FHIT: variants seen among roughly 807,000 people sequenced by gnomAD.
FHIT encodes the protein fragile histidine triad diadenosine triphosphatase, also known as bis(5'-adenosyl)-triphosphatase.
Under a neutral mutation model 17.9 loss-of-function variants are expected in FHIT, and 19 were observed. The observed-to-expected ratio is 1.06, with a 90% confidence interval of 0.74 to 1.56. The LOEUF is 1.56. Ranked by LOEUF, FHIT falls within the 40% of genes most tolerant of loss-of-function variation. FHIT has a pLI of 0.00. For missense variants in FHIT, 248 were observed against 189.2 expected, an observed-to-expected ratio of 1.31 and a Z score of -1.82; for synonymous variants, 81 against 69.7, an observed-to-expected ratio of 1.16 and a Z score of -0.81.
At chr3:59,755,937 G>A (rs1701195590) in intron 8 of FHIT, among the ~76,000 whole-genome samples, 1 of 152,102 alleles carries the variant, frequency 6.6e-6, no homozygotes, top group South Asian at 2.1e-4. Context: ...ACAATGAGAA[G>A]AACAAAAGTT....
intron 5 of FHIT, among the ~76,000 whole-genome samples, chr3:60,196,381 C>A (rs1447469892): frequency 6.6e-6 from 1 of 152,150 alleles, no homozygotes; most frequent in Non-Finnish European, 1.5e-5. Flanking sequence ...ACACTCAGAC[C>A]TCTGCATCCC....
intron 3 of FHIT, among the ~76,000 whole-genome samples, chr3:60,906,982 G>T (rs192867252): frequency 6.6e-6 from 1 of 152,222 alleles, no homozygotes; most frequent in African/African-American, 2.4e-5. Context: ...AACAACGTCA[G>T]CCCAGAAATG....
intron 8 of FHIT, among the ~76,000 whole-genome samples, chr3:59,869,443 T>TCATG (rs1391836603): frequency 1.3e-5 from 2 of 151,946 alleles, no homozygotes; most frequent in East Asian, 3.9e-4. Context: ...GCCTGCATTT[T>TCATG]CATGTACTAG....
At position 59,943,041 on chromosome 3, in the gene FHIT, G is replaced by T. The variant is rs565537326; in HGVS notation, c.280-20627C>A. Among the ~76,000 whole-genome samples the T allele has an allele frequency of 2.1e-3, 314 of 152,146 alleles. 1 individual carries two copies. The highest frequency in any genetic ancestry group is 3.4e-3 in the Middle Eastern group (1 of 294). On this transcript the variant is annotated intron_variant, in intron 7 of 9. Transcript: ENST00000492590. ...ACCAGAATGCTGAACCCATTATTTTGAGCATGAATCTGCTCTCCTGTTATA... is the reference window on the plus strand; with the variant it reads ...ACCAGAATGCTGAACCCATTATTTTTAGCATGAATCTGCTCTCCTGTTATA...
chr3:60,931,366 T>TA (rs1361178441), intron 3 of FHIT, among the ~76,000 whole-genome samples: 2 of 152,216 alleles, frequency 1.3e-5, no homozygotes, highest in East Asian at 3.9e-4. Context: ...CAGTATAATT[T>TA]AAAAAAATAA....
intron 2 of FHIT, among the ~76,000 whole-genome samples, chr3:61,185,597 T>G (rs933008889): frequency 6.6e-6 from 1 of 152,180 alleles, no homozygotes; most frequent in Non-Finnish European, 1.5e-5. Context: ...GTACATCCAC[T>G]TCGGTACTTT....
intron 5 of FHIT, among the ~76,000 whole-genome samples, chr3:60,407,780 G>C (rs1484428422): frequency 6.6e-6 from 1 of 152,146 alleles, no homozygotes; most frequent in Non-Finnish European, 1.5e-5. Context: ...GGCTCCCAAA[G>C]TGTTGGGATT....
rs72107416 is a variant in FHIT, at chr3:61,239,762, C to CATATATATATAT, written c.-213+11527_-213+11538dup. On this transcript the variant is annotated intron_variant, in intron 1 of 9. Coordinates refer to ENST00000492590, the MANE Select transcript of FHIT (RefSeq NM_002012.4). ...AAAACTGCAAAGAAAAACAACTGGC[C>CATATATATATAT]ATATATATATATATATATATATACA... is the stretch of plus-strand genomic sequence containing the variant. Among the ~76,000 whole-genome samples the CATATATATATAT allele has an allele frequency of 1.9e-3, 206 of 108,274 alleles. 7 individuals carry two copies. Among genetic ancestry groups the CATATATATATAT allele is most frequent in the African/African-American group, 7.7e-3 (169 of 21,868 alleles). 71.0% of individuals were successfully genotyped at this position (108,274 alleles called of 152,430 possible).
chr3:60,134,821 C>G (rs1415222680), intron 5 of FHIT, among the ~76,000 whole-genome samples: 1 of 152,132 alleles, frequency 6.6e-6, no homozygotes, highest in East Asian at 1.9e-4. Flanking sequence ...CAATGTACTC[C>G]TTAGACACTC....
rs140130108 is a variant in FHIT, at chr3:60,706,945, G to T, written c.-18+114974C>A. 4.4e-4 allele frequency among the ~76,000 whole-genome samples: 67 copies of T among 152,316 alleles called. 1 individual carries two copies. The highest frequency in any genetic ancestry group is 1.6e-3 in the African/African-American group (65 of 41,588). The stretch of plus-strand genomic sequence containing the variant: ...TTGTCCGAGAATTAATTGTACTGCT[G>T]AAATTAGACATCCAGCCTGCTCCAT... On this transcript the variant is annotated intron_variant, in intron 4 of 9. Transcript: ENST00000492590.
At position 60,867,916 on chromosome 3, in the gene FHIT, C is replaced by T. The variant is rs529875902; in HGVS notation, c.-110-45905G>A. On this transcript the variant is annotated intron_variant, in intron 3 of 9. Transcript: ENST00000492590. ...GGACTCATTTGTTACTGCAGCATAA[C>T]TTAGTCTCTCCTAACTAAAACAGAG... Among the ~76,000 whole-genome samples the T allele has an allele frequency of 2.7e-4, 41 of 152,186 alleles. No individual in the cohort carries two copies. In the Middle Eastern group the frequency reaches 0.01, roughly 38 times the overall value.
At chr3:60,215,506 T>C (rs1351875518) in intron 5 of FHIT, among the ~76,000 whole-genome samples, 1 of 151,962 alleles carries the variant, frequency 6.6e-6, no homozygotes, top group African/African-American at 2.4e-5. Flanking sequence ...GAGTTTGCAG[T>C]GAGCCAAGAT....
intron 5 of FHIT, among the ~76,000 whole-genome samples, chr3:60,323,008 C>G (rs114456946): frequency 6.6e-6 from 1 of 152,176 alleles, no homozygotes; most frequent in Non-Finnish European, 1.5e-5. Flanking sequence ...GTAAGATTCA[C>G]TATTTAGGTA....
intron 7 of FHIT, among the ~76,000 whole-genome samples, chr3:59,936,258 T>C (rs1278531389): frequency 1.3e-5 from 2 of 152,094 alleles, no homozygotes; most frequent in Admixed American, 1.3e-4. Context: ...AGACAAAATA[T>C]GAAGAATATC....
chr3:60,404,137 A>G (rs575805146), intron 5 of FHIT, among the ~76,000 whole-genome samples: 1 of 152,270 alleles, frequency 6.6e-6, no homozygotes, highest in East Asian at 1.9e-4. Flanking sequence ...TTCCACAACC[A>G]ATGAGAATAC....
At chr3:61,228,274 C>T (rs184629954) in intron 1 of FHIT, among the ~76,000 whole-genome samples, 2 of 152,226 alleles carry the variant, frequency 1.3e-5, no homozygotes, top group African/African-American at 4.8e-5. Flanking sequence ...AAAATATTCT[C>T]CTGACACCAG....
intron 3 of FHIT, among the ~76,000 whole-genome samples, chr3:60,938,594 G>C (rs1708288253): frequency 6.6e-6 from 1 of 152,208 alleles, no homozygotes; most frequent in Non-Finnish European, 1.5e-5. Context: ...GCAGCAATCT[G>C]ACATGTAAGG....
At chr3:60,131,193 G>A (rs1445908142) in intron 5 of FHIT, among the ~76,000 whole-genome samples, 1 of 151,208 alleles carries the variant, frequency 6.6e-6, no homozygotes, top group African/African-American at 2.4e-5. Flanking sequence ...GAATGGTATA[G>A]TATTTGCATA....
At chr3:60,088,536 T>A (rs1703596221) in intron 5 of FHIT, among the ~76,000 whole-genome samples, 2 of 152,176 alleles carry the variant, frequency 1.3e-5, no homozygotes, top group South Asian at 2.1e-4. Flanking sequence ...CTCTAATTCA[T>A]GATTCATCTT....
Sources: gnomAD v4.1 joint callset for allele counts (sites outside exome capture counted in the v4.1 genomes callset) on GRCh38, gnomAD v4.1.1 for gene constraint, MANE v1.5 for transcripts, NCBI Gene and HGNC (gene_info 2026-07-23, HGNC 2026-07-21) for gene names.